The following PCDH15 variants were observed in gnomAD, a reference collection of about 807,000 sequenced individuals.
The protein encoded by PCDH15 is protocadherin-15.
A neutral mutation model predicts 178.5 loss-of-function variants in PCDH15; 129 were observed. That is an observed-to-expected ratio of 0.72 (90% CI 0.63 to 0.84). The LOEUF is 0.84. PCDH15 is among the 40% of genes least tolerant of loss of function. PCDH15 has a pLI of 0.00. For synonymous variants in PCDH15, 800 were observed against 732.0 expected, an observed-to-expected ratio of 1.09 and a Z score of -1.50; for missense variants, 2,230 against 2,099.9, an observed-to-expected ratio of 1.06 and a Z score of -1.21.
intron 37 of PCDH15, 124 bp from the exon 38 acceptor site, chr10:53,807,254 A>AGAT: frequency 1.3e-6 from 1 of 743,276 alleles, no homozygotes; most frequent in Non-Finnish European, 2.1e-6. Flanking sequence ...CACTCAAGAG[A>AGAT]GATAGAAGGA....
intron 25 of PCDH15, among the ~76,000 whole-genome samples, chr10:53,937,429 A>G (rs577893061): frequency 3.9e-5 from 6 of 152,348 alleles, no homozygotes; most frequent in East Asian, 1.9e-4. Context: ...CATTTATCCA[A>G]TTCAGTTTAC....
intron 2 of PCDH15, among the ~76,000 whole-genome samples, chr10:55,414,025 T>C (rs1038748544): frequency 6.6e-6 from 1 of 151,460 alleles, no homozygotes; most frequent in African/African-American, 2.4e-5. Context: ...TTAGAAAAAA[T>C]GTATTTCAGC....
chr10:54,769,968 A>G lies in PCDH15; in HGVS notation c.-29+30957T>C, dbSNP rs187415958. Among the ~76,000 whole-genome samples the G allele has an allele frequency of 2.0e-5, 3 of 152,304 alleles. No individual in the cohort carries two copies. In the East Asian group the frequency reaches 5.8e-4, roughly 29 times the overall value. On this transcript the variant is annotated intron_variant, in intron 1 of 37. Coordinates refer to ENST00000644397, the MANE Select transcript of PCDH15 (RefSeq NM_001384140.1). Reference sequence around the variant, plus strand: ...GTCCAGTATTGTAGTCTAAACACATATGTATCTATTTACATTAAATTAGTT... The same window carrying G: ...GTCCAGTATTGTAGTCTAAACACATGTGTATCTATTTACATTAAATTAGTT...
intron 2 of PCDH15, among the ~76,000 whole-genome samples, chr10:55,110,556 G>A (rs1837475761): frequency 1.3e-5 from 2 of 151,984 alleles, no homozygotes; most frequent in Admixed American, 1.3e-4. Context: ...TCAGTTGTTA[G>A]GTTAGTCTTC....
At chr10:54,975,696 T>C (rs1839052410) in intron 2 of PCDH15, among the ~76,000 whole-genome samples, 1 of 152,054 alleles carries the variant, frequency 6.6e-6, no homozygotes, top group Non-Finnish European at 1.5e-5. Context: ...GGTCACAAAG[T>C]CTCTTAGTTA....
chr10:54,306,277 G>T (rs539757082), intron 8 of PCDH15, among the ~76,000 whole-genome samples: 2 of 152,098 alleles, frequency 1.3e-5, no homozygotes, highest in Non-Finnish European at 2.9e-5. Flanking sequence ...CAGGGGCCCT[G>T]TATTGATTGG....
At chr10:55,414,135 A>C (rs1192663731) in intron 2 of PCDH15, among the ~76,000 whole-genome samples, 3 of 151,656 alleles carry the variant, frequency 2.0e-5, no homozygotes, top group Non-Finnish European at 4.4e-5. Flanking sequence ...TAAAATCATA[A>C]AATTTTTTTC....
rs1037660649 is a variant in PCDH15, at chr10:54,344,575, A to G, written c.594+1790T>C. 2.0e-5 allele frequency among the ~76,000 whole-genome samples: 3 copies of G among 152,278 alleles called. No individual in the cohort carries two copies. In the East Asian group the frequency reaches 5.8e-4, roughly 29 times the overall value. ...CATTTGATACTTGCTGGGAGGTTTT[A>G]TTTTTACACCTTGGGGAGTAAAGAT... On this transcript the variant is annotated intron_variant, in intron 6 of 37. Coordinates refer to ENST00000644397, the MANE Select transcript of PCDH15 (RefSeq NM_001384140.1).
intron 3 of PCDH15, among the ~76,000 whole-genome samples, chr10:54,520,597 C>T (rs2082745053): frequency 6.6e-6 from 1 of 152,012 alleles, no homozygotes; most frequent in Admixed American, 6.6e-5. Flanking sequence ...GAAACAGGAA[C>T]ACTTTTACAC....
chr10:54,048,707 G>T (rs752942318), intron 18 of PCDH15, among the ~76,000 whole-genome samples: 1 of 151,828 alleles, frequency 6.6e-6, no homozygotes, highest in Non-Finnish European at 1.5e-5. Flanking sequence ...TTTAATTCTG[G>T]GGTCTCCATT....
At chr10:55,192,754 T>TATAC (rs1554839607) in intron 1 of PCDH15, among the ~76,000 whole-genome samples, 12 of 149,660 alleles carry the variant, frequency 8.0e-5, no homozygotes, top group East Asian at 6.0e-4. Context: ...TATATATATA[T>TATAC]ACATATAGAT....
intron 21 of PCDH15, among the ~76,000 whole-genome samples, chr10:53,981,576 C>T (rs1200485670): frequency 1.3e-5 from 2 of 151,452 alleles, no homozygotes; most frequent in Non-Finnish European, 2.9e-5. Context: ...GGAAAGGATT[C>T]CCTATTTAAT....
intron 27 of PCDH15, among the ~76,000 whole-genome samples, chr10:53,862,824 A>G (rs2079187429): frequency 6.6e-6 from 1 of 152,230 alleles, no homozygotes; most frequent in Admixed American, 6.5e-5. Flanking sequence ...TACTCTATGC[A>G]TACTTCTCAT....
intron 3 of PCDH15, among the ~76,000 whole-genome samples, chr10:54,857,248 A>G (rs1223420130): frequency 6.6e-6 from 1 of 152,192 alleles, no homozygotes; most frequent in Non-Finnish European, 1.5e-5. Flanking sequence ...ATCATATACT[A>G]TTGACATTAA....
intron 2 of PCDH15, among the ~76,000 whole-genome samples, chr10:55,135,574 CTTTTT>C (rs56956557): frequency 1.5e-5 from 1 of 68,220 alleles, no homozygotes; most frequent in African/African-American, 5.6e-5. Flanking sequence ...TCTTTTCTTT[CTTTTT>C]TTTTTTTTTT....
At chr10:54,031,774 C>T (rs2093301820) in intron 18 of PCDH15, among the ~76,000 whole-genome samples, 1 of 152,028 alleles carries the variant, frequency 6.6e-6, no homozygotes, top group Non-Finnish European at 1.5e-5. Context: ...AAGATTATGA[C>T]ATCAATGCTT....
intron 2 of PCDH15, among the ~76,000 whole-genome samples, chr10:55,142,830 G>T (rs1235365245): frequency 6.6e-6 from 1 of 151,696 alleles, no homozygotes; most frequent in Non-Finnish European, 1.5e-5. Context: ...GACTAGGGGA[G>T]CAGGATAAGA....
chr10:55,138,257 C>T (rs909786099), intron 2 of PCDH15, among the ~76,000 whole-genome samples: 3 of 152,162 alleles, frequency 2.0e-5, no homozygotes, highest in East Asian at 1.9e-4. Context: ...AAAATGTATT[C>T]GTTTATGTCA....
At chr10:55,145,386 T>C (rs1295227449) in intron 2 of PCDH15, among the ~76,000 whole-genome samples, 9 of 151,960 alleles carry the variant, frequency 5.9e-5, no homozygotes, top group South Asian at 2.1e-4. Context: ...AGGGAAAAAA[T>C]TGGAATAAAT....
Sources: allele counts gnomAD v4.1 joint callset (sites outside exome capture counted in the v4.1 genomes callset), GRCh38; gene constraint gnomAD v4.1.1; transcripts MANE v1.5; gene names NCBI Gene and HGNC (gene_info 2026-07-23, HGNC 2026-07-21).